NKAIN2: variants seen among roughly 807,000 people sequenced by gnomAD.
The protein encoded by NKAIN2 is sodium/potassium transporting ATPase interacting 2.
In NKAIN2, 14 loss-of-function variants were observed where a neutral mutation model predicts 32.6. The observed-to-expected ratio is 0.43, with a 90% CI of 0.28 to 0.67. The LOEUF is 0.67. NKAIN2 is among the 30% of genes least tolerant of loss of function. The pLI is 0.17. For missense variants in NKAIN2, 198 were observed against 258.3 expected (o/e 0.77, Z 1.60); for synonymous variants, 80 against 87.2 (o/e 0.92, Z 0.46).
intron 1 of NKAIN2, among the ~76,000 whole-genome samples, chr6:123,883,066 G>T (rs1038432845): frequency 1.3e-5 from 2 of 152,112 alleles, no homozygotes; most frequent in South Asian, 2.1e-4. Flanking sequence ...GTAATCCCCA[G>T]TGTTGGAAGA....
intron 2 of NKAIN2, among the ~76,000 whole-genome samples, chr6:124,291,770 C>T (rs1348173002): frequency 6.6e-6 from 1 of 152,060 alleles, no homozygotes; most frequent in African/African-American, 2.4e-5. Context: ...TAACTTTTCT[C>T]CACCTCCCCT....
At chr6:123,898,606 T>C (rs993881098) in intron 1 of NKAIN2, among the ~76,000 whole-genome samples, 1 of 151,372 alleles carries the variant, frequency 6.6e-6, no homozygotes, top group African/African-American at 2.4e-5. Flanking sequence ...GTCCACAAGA[T>C]ATAATTAGAA....
chr6:123,826,341 T>C (rs1247663608), intron 1 of NKAIN2, among the ~76,000 whole-genome samples: 3 of 152,196 alleles, frequency 2.0e-5, no homozygotes, highest in Admixed American at 1.3e-4. Flanking sequence ...AGATTCAGCT[T>C]TTTTAAATTG....
At chr6:124,752,640 T>A (rs1777776903) in intron 4 of NKAIN2, among the ~76,000 whole-genome samples, 1 of 152,008 alleles carries the variant, frequency 6.6e-6, no homozygotes, top group Non-Finnish European at 1.5e-5. Flanking sequence ...CCCACAATTA[T>A]CTGGTTATTA....
intron 1 of NKAIN2, among the ~76,000 whole-genome samples, chr6:124,241,002 C>A (rs1279644147): frequency 6.6e-6 from 1 of 152,156 alleles, no homozygotes; most frequent in Non-Finnish European, 1.5e-5. Flanking sequence ...CCCATCGTCT[C>A]AGCCCAAAAT....
intron 1 of NKAIN2, among the ~76,000 whole-genome samples, chr6:124,229,822 C>T (rs1335531914): frequency 1.3e-5 from 2 of 152,098 alleles, no homozygotes; most frequent in Non-Finnish European, 2.9e-5. Flanking sequence ...CTCCCAGCCA[C>T]GTGGAACTGT....
chr6:124,032,135 C>G (rs1395669151), intron 1 of NKAIN2, among the ~76,000 whole-genome samples: 1 of 151,664 alleles, frequency 6.6e-6, no homozygotes, highest in Non-Finnish European at 1.5e-5. Flanking sequence ...AAGCTGGAAA[C>G]CATCATTCTG....
intron 3 of NKAIN2, among the ~76,000 whole-genome samples, chr6:124,624,165 G>C (rs978326866): frequency 1.4e-4 from 21 of 152,166 alleles, no homozygotes; most frequent in African/African-American, 4.8e-4. Context: ...AAAGACATCA[G>C]TCTAAGGGAT....
chr6:123,833,109 G>T (rs1774453549), intron 1 of NKAIN2, among the ~76,000 whole-genome samples: 1 of 151,996 alleles, frequency 6.6e-6, no homozygotes, highest in Non-Finnish European at 1.5e-5. Flanking sequence ...TCTCTCTTTT[G>T]TGTTGATTTT....
intron 1 of NKAIN2, among the ~76,000 whole-genome samples, chr6:123,982,683 G>A (rs1456570375): frequency 6.6e-6 from 1 of 151,916 alleles, no homozygotes. Flanking sequence ...TTTAATTAGA[G>A]GTGACTGTTA....
chr6:124,350,503 T>A (rs895642554), intron 2 of NKAIN2, among the ~76,000 whole-genome samples: 1 of 152,120 alleles, frequency 6.6e-6, no homozygotes, highest in Admixed American at 6.6e-5. Context: ...TGAGGAAAGT[T>A]AAATGAGATA....
intron 4 of NKAIN2, among the ~76,000 whole-genome samples, chr6:124,743,868 A>G (rs1225027763): frequency 6.6e-6 from 1 of 151,880 alleles, no homozygotes; most frequent in Non-Finnish European, 1.5e-5. Context: ...CACTAAATTT[A>G]TTGATATAGA....
intron 4 of NKAIN2, among the ~76,000 whole-genome samples, chr6:124,759,656 C>CACACACACA (rs879444854): frequency 1.4e-3 from 92 of 66,342 alleles, no homozygotes; most frequent in East Asian, 3.5e-3. Flanking sequence ...CACACACACA[C>CACACACACA]CCCCTATCTC....
intron 3 of NKAIN2, among the ~76,000 whole-genome samples, chr6:124,642,467 T>C (rs770568683): frequency 1.3e-5 from 2 of 152,180 alleles, no homozygotes; most frequent in African/African-American, 4.8e-5. Context: ...ATAACAATTT[T>C]AAAGAATTTT....
At chr6:124,758,590 T>G (rs1778074395) in intron 4 of NKAIN2, among the ~76,000 whole-genome samples, 1 of 152,168 alleles carries the variant, frequency 6.6e-6, no homozygotes, top group Admixed American at 6.5e-5. Context: ...AAGCCACTGC[T>G]TGGTTAGGCC....
chr6:124,288,572 T>C (rs1201527298), intron 2 of NKAIN2, among the ~76,000 whole-genome samples: 1 of 152,176 alleles, frequency 6.6e-6, no homozygotes, highest in Non-Finnish European at 1.5e-5. Context: ...ATCTTTAATC[T>C]CTAGTAACAG....
intron 1 of NKAIN2, among the ~76,000 whole-genome samples, chr6:123,864,134 A>G (rs2114983306): frequency 6.6e-6 from 1 of 152,286 alleles, no homozygotes; most frequent in Admixed American, 6.5e-5. Context: ...AGCATGAGAA[A>G]GCTATAAAAA....
intron 1 of NKAIN2, among the ~76,000 whole-genome samples, chr6:123,887,752 T>C (rs904807112): frequency 6.6e-6 from 1 of 152,128 alleles, no homozygotes; most frequent in African/African-American, 2.4e-5. Flanking sequence ...ATGTAGTTAG[T>C]GACAAAATTA....
chr6:123,808,725 T>A (rs1773327707), intron 1 of NKAIN2, among the ~76,000 whole-genome samples: 1 of 152,190 alleles, frequency 6.6e-6, no homozygotes, highest in Admixed American at 6.5e-5. Flanking sequence ...ATCTCTGGCA[T>A]GGGGCCCGTA....
Sources: gnomAD v4.1 joint callset for allele counts (sites outside exome capture counted in the v4.1 genomes callset) on GRCh38, gnomAD v4.1.1 for gene constraint, MANE v1.5 for transcripts, NCBI Gene and HGNC (gene_info 2026-07-23, HGNC 2026-07-21) for gene names.